Variants in PLEKHS1 observed in about 807,000 individuals in gnomAD.
PLEKHS1 encodes the protein pleckstrin homology domain containing S1.
Under a neutral mutation model 51.0 loss-of-function variants are expected in PLEKHS1, and 55 were observed. The observed-to-expected ratio is 1.08, with a 90% CI of 0.87 to 1.35. The LOEUF is 1.35. PLEKHS1 is among the 40% of genes most tolerant of loss of function. PLEKHS1 has a pLI of 0.00. For synonymous variants in PLEKHS1, 153 were observed against 144.8 expected (o/e 1.06, Z -0.41); for missense variants, 398 against 423.0 (o/e 0.94, Z 0.52).
At position 113,777,260 on chromosome 10, in the gene PLEKHS1, G is replaced by A; in HGVS notation, c.1091+1394G>A. The A allele has an allele frequency of 6.2e-7, 1 of 1,612,826 alleles. No individual in the cohort carries two copies. Among genetic ancestry groups the A allele is most frequent in the East Asian group, 2.2e-5 (1 of 44,880 alleles). ...TCTTACCCGGTCCATCCAGAAGGAGGTGAGTCGTACTGACCAGCCCTGAAC... is the reference window on the plus strand; with the variant it reads ...TCTTACCCGGTCCATCCAGAAGGAGATGAGTCGTACTGACCAGCCCTGAAC... On this transcript the variant is annotated intron_variant, in intron 11 of 11. Coordinates refer to ENST00000361048, the Ensembl canonical transcript of PLEKHS1.
At chr10:113,770,790 C>A (rs1844368090) in intron 7 of PLEKHS1, among the ~76,000 whole-genome samples, 1 of 152,136 alleles carries the variant, frequency 6.6e-6, no homozygotes, top group Admixed American at 6.5e-5. Context: ...ATCTCCCTCC[C>A]CCTAGAGATA....
intron 2 of PLEKHS1, among the ~76,000 whole-genome samples, chr10:113,758,395 T>A (rs1480466345): frequency 6.6e-6 from 1 of 152,188 alleles, no homozygotes; most frequent in Non-Finnish European, 1.5e-5. Flanking sequence ...GGTGACCAGG[T>A]GTATTGTCAA....
At chr10:113,772,011 C>T (rs576384461) in exon 8 of PLEKHS1, 1 of 1,613,560 alleles carries the variant, frequency 6.2e-7, no homozygotes, top group African/African-American at 1.3e-5. Flanking sequence ...GGCAAACTCA[C>T]CTACAAGATT....
chr10:113,769,803 A>T (rs1159769685), exon 7 of PLEKHS1: 1 of 1,613,490 alleles, frequency 6.2e-7, no homozygotes, highest in Non-Finnish European at 8.5e-7. Flanking sequence ...TCATTGGGTA[A>T]TAAAAGAACC....
At chr10:113,762,365 C>CTTTTTTTTTTTTTTTTT (rs34457408) in intron 2 of PLEKHS1, among the ~76,000 whole-genome samples, 2 of 61,782 alleles carry the variant, frequency 3.2e-5, no homozygotes, top group Non-Finnish European at 3.0e-5. Flanking sequence ...AGATTTGTTC[C>CTTTTTTTTTTTTTTTTT]TTTTTTTTTT....
intron 11 of PLEKHS1, 53 bp from the exon 12 acceptor site, chr10:113,777,071 C>T (rs1844701648): frequency 1.2e-6 from 2 of 1,600,958 alleles, no homozygotes; most frequent in African/African-American, 1.3e-5. Flanking sequence ...GTGCCCTGCC[C>T]TCCTGGCCAG....
exon 10 of PLEKHS1, chr10:113,774,988 A>G (rs1844583727): frequency 1.2e-6 from 2 of 1,614,054 alleles, no homozygotes; most frequent in Non-Finnish European, 1.7e-6. Flanking sequence ...CAAATGACCA[A>G]AAGGGGTCGG....
At chr10:113,769,731 C>A in intron 6 of PLEKHS1, 53 bp from the exon 7 acceptor site, 2 of 1,163,742 alleles carry the variant, frequency 1.7e-6, no homozygotes, top group Non-Finnish European at 2.6e-6. Context: ...GCTGCCGTTT[C>A]ATTCCAGACA....
intron 1 of PLEKHS1, among the ~76,000 whole-genome samples, chr10:113,753,591 A>G (rs1257120725): frequency 2.0e-5 from 3 of 152,128 alleles, no homozygotes; most frequent in Non-Finnish European, 4.4e-5. Flanking sequence ...GAAAAGTTGT[A>G]ATTTGTTCAA....
At chr10:113,775,019 T>C in exon 10 of PLEKHS1, 1 of 1,613,926 alleles carries the variant, frequency 6.2e-7, no homozygotes, top group Non-Finnish European at 8.5e-7. Flanking sequence ...TGTTGTGCAA[T>C]TGTCTATATT....
At chr10:113,782,078 T>C (rs1844883709) in exon 12 of PLEKHS1, 2 of 152,224 alleles carry the variant, frequency 1.3e-5, no homozygotes. Flanking sequence ...AGGAATAAAA[T>C]TCTTTTATAT....
exon 12 of PLEKHS1, chr10:113,781,771 C>G (rs113564456): frequency 0.14 from 12,586 of 88,428 alleles, 1,580 homozygotes; most frequent in East Asian, 0.22. Flanking sequence ...CCCAACACCT[C>G]CTTCCCCCTT....
chr10:113,756,376 G>T (rs1306803699), intron 2 of PLEKHS1, among the ~76,000 whole-genome samples: 1 of 152,110 alleles, frequency 6.6e-6, no homozygotes, highest in Non-Finnish European at 1.5e-5. Flanking sequence ...CAGGAGAACC[G>T]CTTGAACCTG....
chr10:113,777,249 T>A (rs202183581), intron 11 of PLEKHS1: 2 of 1,612,738 alleles, frequency 1.2e-6, no homozygotes, highest in East Asian at 4.5e-5. Flanking sequence ...ACCCGGTCCA[T>A]CCAGAAGGAG....
At chr10:113,765,269 C>T in intron 2 of PLEKHS1, 2 of 659,974 alleles carry the variant, frequency 3.0e-6, no homozygotes, top group Non-Finnish European at 5.7e-6. Context: ...GGGTTTGGAG[C>T]AGTGCTCAGT....
chr10:113,765,018 A>G (rs910378885), intron 2 of PLEKHS1: 2 of 188,598 alleles, frequency 1.1e-5, no homozygotes, highest in Non-Finnish European at 2.2e-5. Context: ...TTCTCTGCCA[A>G]TTCTAACATC....
intron 11 of PLEKHS1, among the ~76,000 whole-genome samples, 181 bp from the exon 12 acceptor site, chr10:113,776,943 G>A (rs908408970): frequency 6.6e-6 from 1 of 152,168 alleles, no homozygotes; most frequent in Non-Finnish European, 1.5e-5. Flanking sequence ...AATTTGAGCT[G>A]GGCTTTGGAG....
At position 113,768,106 on chromosome 10, in the gene PLEKHS1, C is replaced by A. The variant is rs539966489; in HGVS notation, c.359+627C>A. Among the ~76,000 whole-genome samples, 3 of 152,228 alleles carry A rather than the reference C, an allele frequency of 2.0e-5. No homozygotes were observed. The East Asian group carries it at 5.8e-4, about 29-fold the overall frequency. ...TTTCAACCGATAACAGTCACCATCA[C>A]CCCAGAAGCATTCCATGTAAAAGAA... On this transcript the variant is annotated intron_variant, in intron 5 of 11. Transcript: ENST00000361048.
intron 2 of PLEKHS1, among the ~76,000 whole-genome samples, chr10:113,765,938 G>C (rs1469423395): frequency 2.0e-5 from 3 of 152,220 alleles, no homozygotes; most frequent in Non-Finnish European, 2.9e-5. Context: ...ATAGTATCCA[G>C]TAATTCTGGG....
Sources: allele counts gnomAD v4.1 joint callset (sites outside exome capture counted in the v4.1 genomes callset), GRCh38; gene constraint gnomAD v4.1.1; transcripts MANE v1.5; gene names NCBI Gene and HGNC (gene_info 2026-07-23, HGNC 2026-07-21).